WWOX: variants seen among roughly 807,000 people sequenced by gnomAD.
WWOX encodes WW domain containing oxidoreductase, also known as WW domain-containing oxidoreductase.
A neutral mutation model predicts 46.2 loss-of-function variants in WWOX; 69 were observed. The ratio of observed to expected loss-of-function variants is 1.49; its 90% confidence interval spans 1.23 to 1.82. The LOEUF (loss-of-function observed/expected upper bound fraction) is 1.82, where lower values mean the gene tolerates loss of function less well. Among genes scored for constraint, WWOX ranks in the 40% most tolerant of loss-of-function variants. The pLI, the probability that WWOX is intolerant of heterozygous loss-of-function variation, is 0.00. For missense variants in WWOX, 919 were observed against 542.6 expected (o/e 1.69, Z -6.89); for synonymous variants, 359 against 202.6 (o/e 1.77, Z -6.56).
intron 1 of WWOX, among the ~76,000 whole-genome samples, chr16:78,108,078 GC>G (rs2032262993): frequency 6.6e-6 from 1 of 151,710 alleles, no homozygotes; most frequent in Admixed American, 6.6e-5. Context: ...ACAGGCACGT[GC>G]CACTGTCCCC....
chr16:78,643,398 C>G (rs1225565793), intron 8 of WWOX, among the ~76,000 whole-genome samples: 6 of 152,112 alleles, frequency 3.9e-5, no homozygotes, highest in African/African-American at 1.4e-4. Context: ...GTGGCTAGTT[C>G]AGGGACAGTG....
chr16:78,790,314 C>T (rs997066893), intron 8 of WWOX, among the ~76,000 whole-genome samples: 3 of 151,800 alleles, frequency 2.0e-5, no homozygotes, highest in Non-Finnish European at 4.4e-5. Flanking sequence ...TCTGTATTTT[C>T]AGTAGAGATG....
intron 8 of WWOX, among the ~76,000 whole-genome samples, chr16:78,827,523 T>A (rs1213668280): frequency 6.6e-5 from 10 of 152,062 alleles, no homozygotes; most frequent in African/African-American, 2.4e-4. Flanking sequence ...TGAAAGGAGC[T>A]GGAAGAGTGA....
chr16:78,262,250 G>A (rs748942089), intron 5 of WWOX, among the ~76,000 whole-genome samples: 2 of 151,826 alleles, frequency 1.3e-5, no homozygotes, highest in Admixed American at 6.6e-5. Flanking sequence ...AATATATTTC[G>A]GTCTCTGTTA....
chr16:78,818,767 G>A (rs546225615), intron 8 of WWOX, among the ~76,000 whole-genome samples: 1 of 152,142 alleles, frequency 6.6e-6, no homozygotes, highest in Non-Finnish European at 1.5e-5. Context: ...AACTATTCGG[G>A]GCCTTAGTTT....
intron 5 of WWOX, among the ~76,000 whole-genome samples, chr16:78,329,291 C>G (rs112584698): frequency 6.6e-6 from 1 of 152,190 alleles, no homozygotes; most frequent in Non-Finnish European, 1.5e-5. Context: ...TTTTGTCCAG[C>G]CAGTTCTCCT....
chr16:78,864,753 CCTTTTTTTTT>C (rs2043965625), intron 8 of WWOX, among the ~76,000 whole-genome samples: 7 of 118,602 alleles, frequency 5.9e-5, no homozygotes, highest in Non-Finnish European at 1.2e-4. Flanking sequence ...TTCTCCAACT[CCTTTTTTTTT>C]TTTTTTTTTT....
intron 4 of WWOX, among the ~76,000 whole-genome samples, chr16:78,163,583 C>T (rs113485663): frequency 0.012 from 1,792 of 152,264 alleles, 28 homozygotes; most frequent in African/African-American, 0.025. Flanking sequence ...CAGATCTTGG[C>T]CCCCAAAATT....
intron 3 of WWOX, among the ~76,000 whole-genome samples, chr16:78,110,129 C>G (rs904469074): frequency 2.0e-5 from 3 of 151,684 alleles, no homozygotes; most frequent in Non-Finnish European, 4.4e-5. Context: ...ATCCTGAGGT[C>G]AAGAGATCGA....
chr16:78,956,226 GC>G (rs1313640964), intron 8 of WWOX, among the ~76,000 whole-genome samples: 1 of 152,072 alleles, frequency 6.6e-6, no homozygotes, highest in Non-Finnish European at 1.5e-5. Context: ...GCTCACTGTA[GC>G]CTTGACCTCG....
At chr16:79,070,212 C>T (rs147360277) in intron 8 of WWOX, among the ~76,000 whole-genome samples, 1 of 152,000 alleles carries the variant, frequency 6.6e-6, no homozygotes, top group East Asian at 1.9e-4. Flanking sequence ...TGTTGAAACC[C>T]ACACTTGGTC....
intron 5 of WWOX, among the ~76,000 whole-genome samples, chr16:78,179,449 G>A (rs1238644866): frequency 1.3e-5 from 2 of 152,154 alleles, no homozygotes; most frequent in Non-Finnish European, 2.9e-5. Context: ...GAGGCCCACA[G>A]AAGGTAACTT....
chr16:78,574,060 T>G (rs1173851698), intron 8 of WWOX, among the ~76,000 whole-genome samples: 1 of 152,192 alleles, frequency 6.6e-6, no homozygotes, highest in Non-Finnish European at 1.5e-5. Flanking sequence ...TCCTTGTAGC[T>G]TTTTGACTCG....
chr16:78,398,365 C>T (rs781236188), intron 6 of WWOX, among the ~76,000 whole-genome samples: 2 of 152,162 alleles, frequency 1.3e-5, no homozygotes, highest in Non-Finnish European at 2.9e-5. Context: ...GCTTGTGTGG[C>T]TCCTCTCCCA....
intron 4 of WWOX, among the ~76,000 whole-genome samples, chr16:78,138,914 C>T (rs1035536609): frequency 2.0e-5 from 3 of 152,198 alleles, no homozygotes; most frequent in African/African-American, 7.2e-5. Flanking sequence ...CCCCATGCAA[C>T]TGTTTCTTGC....
At chr16:79,087,729 C>T (rs1047273072) in intron 8 of WWOX, among the ~76,000 whole-genome samples, 3 of 152,334 alleles carry the variant, frequency 2.0e-5, no homozygotes, top group Admixed American at 1.3e-4. Flanking sequence ...TTGGTACTTG[C>T]AACACTTTCT....
chr16:78,302,105 C>T (rs906886623), intron 5 of WWOX, among the ~76,000 whole-genome samples: 10 of 151,942 alleles, frequency 6.6e-5, no homozygotes, highest in South Asian at 2.1e-4. Flanking sequence ...GGACTACAGG[C>T]GCCTGCCACC....
At chr16:78,908,799 G>A (rs1597136456) in intron 8 of WWOX, among the ~76,000 whole-genome samples, 1 of 152,182 alleles carries the variant, frequency 6.6e-6, no homozygotes, top group East Asian at 1.9e-4. Context: ...TGACCTGGGT[G>A]GTGCCAGCTG....
intron 6 of WWOX, among the ~76,000 whole-genome samples, chr16:78,424,419 C>T (rs1308315877): frequency 2.6e-5 from 4 of 152,126 alleles, no homozygotes; most frequent in East Asian, 1.9e-4. Context: ...CGCGCCTGGC[C>T]CTGTGTCAGC....
Sources: gnomAD v4.1 joint callset for allele counts (sites outside exome capture counted in the v4.1 genomes callset) on GRCh38, gnomAD v4.1.1 for gene constraint, MANE v1.5 for transcripts, NCBI Gene and HGNC (gene_info 2026-07-23, HGNC 2026-07-21) for gene names.